The following WT1 variants were observed in gnomAD, a reference collection of about 807,000 sequenced individuals.
WT1 encodes the protein Wilms tumor protein.
A neutral mutation model predicts 60.8 loss-of-function variants in WT1; 8 were observed. The observed-to-expected ratio is 0.13, with a 90% CI of 0.08 to 0.24. WT1 has a LOEUF of 0.24. Ranked by LOEUF, WT1 falls within the 10% of genes least tolerant of loss-of-function variation. The probability of loss-of-function intolerance (pLI) is 1.00; values close to 1 mark genes in which losing one functional copy is unlikely to be tolerated. For synonymous variants in WT1, 312 were observed against 297.1 expected (o/e 1.05, Z -0.52); for missense variants, 568 against 711.8 (o/e 0.80, Z 2.30).
intron 5 of WT1, among the ~76,000 whole-genome samples, chr11:32,412,067 A>G (rs767307216): frequency 1.1e-4 from 16 of 152,140 alleles, no homozygotes; most frequent in Non-Finnish European, 2.1e-4. Flanking sequence ...ATTTCCAAGA[A>G]GTAAATCTCT....
At chr11:32,422,572 A>G (rs1590383603) in intron 3 of WT1, among the ~76,000 whole-genome samples, 1 of 152,244 alleles carries the variant, frequency 6.6e-6, no homozygotes, top group South Asian at 2.1e-4. Context: ...ATTTCTGTCT[A>G]TGTTGAAGGC....
intron 5 of WT1, among the ~76,000 whole-genome samples, chr11:32,405,881 T>C (rs996199558): frequency 2.0e-5 from 3 of 152,240 alleles, no homozygotes; most frequent in African/African-American, 7.2e-5. Context: ...AGGTCAGTGC[T>C]TTTCTTCCTT....
At chr11:32,400,353 G>C in intron 5 of WT1, 6 of 458,818 alleles carry the variant, frequency 1.3e-5, no homozygotes, top group South Asian at 1.0e-4. Flanking sequence ...TCGGCAAGTT[G>C]TTTACCATCT....
chr11:32,426,681 G>A (rs752808478), intron 3 of WT1, among the ~76,000 whole-genome samples: 9 of 151,698 alleles, frequency 5.9e-5, no homozygotes, highest in Non-Finnish European at 7.4e-5. Flanking sequence ...GGATGTTCCG[G>A]GGGAAAAAAA....
chr11:32,397,086 G>C lies in WT1; in HGVS notation c.1114-679C>G, dbSNP rs575348887. ...TGCACACGTCCTTTGCAGGGCATCTGTTGCTCCCCTTTATCTTGTGGAAGT... is the reference window on the plus strand; with the variant it reads ...TGCACACGTCCTTTGCAGGGCATCTCTTGCTCCCCTTTATCTTGTGGAAGT... On this transcript the variant is annotated intron_variant, in intron 6 of 9. Transcript: ENST00000452863. 9.8e-5 allele frequency among the ~76,000 whole-genome samples: 15 copies of C among 152,336 alleles called. No homozygotes were observed. The East Asian group carries it at 2.7e-3, about 27-fold the overall frequency.
chr11:32,431,577 T>C (rs768618341), intron 1 of WT1, among the ~76,000 whole-genome samples: 36 of 148,752 alleles, frequency 2.4e-4, no homozygotes, highest in Non-Finnish European at 4.3e-4. Flanking sequence ...GCTGGGATTA[T>C]AGGCGCCCGT....
intron 1 of WT1, among the ~76,000 whole-genome samples, chr11:32,430,143 A>G (rs1425363829): frequency 2.0e-5 from 3 of 151,914 alleles, no homozygotes; most frequent in Non-Finnish European, 2.9e-5. Flanking sequence ...TCAGCACCAC[A>G]CACTGGGGAT....
chr11:32,425,801 C>G (rs7110547), intron 3 of WT1, among the ~76,000 whole-genome samples: 80,311 of 152,020 alleles, frequency 0.53, 24,075 homozygotes, highest in African/African-American at 0.8. Flanking sequence ...GAAAGTTCCT[C>G]AATTATAAAG....
intron 5 of WT1, among the ~76,000 whole-genome samples, chr11:32,415,847 A>C (rs1852651403): frequency 6.6e-6 from 1 of 151,942 alleles, no homozygotes; most frequent in African/African-American, 2.4e-5. Flanking sequence ...AAGTCTTGGA[A>C]GATGAAATAC....
rs1851712565 is a variant in WT1, at chr11:32,388,126, A to G, written c.*932T>C. ...GACCCAAAGGTCCTTAAGTTACTTAAAAACAGTCTTATCAGTGGAGATCCT... is the reference window on the plus strand; with the variant it reads ...GACCCAAAGGTCCTTAAGTTACTTAGAAACAGTCTTATCAGTGGAGATCCT... On this transcript the variant is annotated 3_prime_UTR_variant, in exon 10 of 10. Transcript: ENST00000452863. The G allele has an allele frequency of 4.3e-6, 1 of 234,822 alleles. No individual in the cohort carries two copies. The highest frequency in any genetic ancestry group is 6.0e-5 in the East Asian group (1 of 16,698). The allele number at this position is 234,822 out of a possible 1,614,324, so 14.5% of individuals were successfully genotyped here.
chr11:32,388,456 T>C lies in WT1; in HGVS notation c.*602A>G, dbSNP rs5030320. 102,215 of 236,418 alleles carry C rather than the reference T, an allele frequency of 0.43. 25,909 individuals carry two copies. Among genetic ancestry groups the C allele is most frequent in the African/African-American group, 0.72 (32,589 of 45,388 alleles). The allele number at this position is 236,418 out of a possible 1,614,324, so 14.6% of individuals were successfully genotyped here. On this transcript the variant is annotated 3_prime_UTR_variant, in exon 10 of 10. Transcript: ENST00000452863. ...ACAGAGGTACTGGTTAGTTCTGATT[T>C]TTTCTTCAGCTGCTTGAAATGCATG... is the stretch of plus-strand genomic sequence containing the variant.
In WT1 at chr11:32,420,533, T is replaced by C. The variant is rs1203504779; in HGVS notation, c.888-2879A>G. ...ATTCTCAATACTGCTCACAACTTTG[T>C]GAGGCAGATGTAATTCTGAGTCCCC... On this transcript the variant is annotated intron_variant, in intron 3 of 9. Transcript: ENST00000452863. Among the ~76,000 whole-genome samples, 7 of 152,320 alleles carry C rather than the reference T, an allele frequency of 4.6e-5. No individual in the cohort carries two copies. The South Asian group carries it at 1.5e-3, about 32-fold the overall frequency.
At chr11:32,423,456 C>G (rs1432801562) in intron 3 of WT1, among the ~76,000 whole-genome samples, 1 of 151,976 alleles carries the variant, frequency 6.6e-6, no homozygotes, top group Non-Finnish European at 1.5e-5. Context: ...TCCCAAACCA[C>G]TAAGAACTTT....
chr11:32,397,190 G>C (rs1165118560), intron 6 of WT1, among the ~76,000 whole-genome samples: 1 of 152,184 alleles, frequency 6.6e-6, no homozygotes, highest in Non-Finnish European at 1.5e-5. Context: ...CTCTTCTTGG[G>C]GTCAGGGAGT....
intron 3 of WT1, among the ~76,000 whole-genome samples, chr11:32,422,720 T>C (rs1451278099): frequency 1.3e-5 from 2 of 152,234 alleles, no homozygotes; most frequent in East Asian, 3.9e-4. Flanking sequence ...ATGTCACCAT[T>C]TGTGAATCAT....
Position 32,428,591 on chromosome 11 carries a change from C to A in WT1, c.690G>T (p.Thr230=), listed in dbSNP as rs1277854204. The A allele has an allele frequency of 3.1e-6, 5 of 1,613,810 alleles. No homozygotes were observed. Among genetic ancestry groups the A allele is most frequent in the Non-Finnish European group, 4.2e-6 (5 of 1,180,012 alleles). The change falls in exon 2 of 10, where the codon ACG becomes ACT. Residue 230 remains threonine, a synonymous_variant. Coordinates refer to ENST00000452863, the MANE Select transcript of WT1 (RefSeq NM_024426.6). ...GCGAGGGCGTGTGACCGTAGCTGGG[C>A]GTCCCGTCGAAGGTGACCGTGCTGT... is the stretch of plus-strand genomic sequence containing the variant.
intron 3 of WT1, among the ~76,000 whole-genome samples, chr11:32,421,905 G>A (rs1052076403): frequency 6.6e-6 from 1 of 152,210 alleles, no homozygotes; most frequent in Admixed American, 6.5e-5. Flanking sequence ...CGTAGCTGCT[G>A]GCTGGCCAGG....
intron 1 of WT1, among the ~76,000 whole-genome samples, chr11:32,430,123 C>T (rs1853228659): frequency 6.6e-6 from 1 of 152,046 alleles, no homozygotes; most frequent in African/African-American, 2.4e-5. Flanking sequence ...GCTTAAGTCT[C>T]ACACACTGCT....
At chr11:32,407,089 A>C (rs536345660) in intron 5 of WT1, among the ~76,000 whole-genome samples, 12 of 152,108 alleles carry the variant, frequency 7.9e-5, no homozygotes, top group Admixed American at 3.9e-4. Context: ...ACAGAGCGAG[A>C]CTCTGTCTCA....
Sources: allele counts gnomAD v4.1 joint callset (sites outside exome capture counted in the v4.1 genomes callset), GRCh38; gene constraint gnomAD v4.1.1; transcripts MANE v1.5; gene names NCBI Gene and HGNC (gene_info 2026-07-23, HGNC 2026-07-21).